CPXM2: variants seen among roughly 807,000 people sequenced by gnomAD.
The protein encoded by CPXM2 is carboxypeptidase X, M14 family member 2, also known as inactive carboxypeptidase-like protein X2.
Under a neutral mutation model 86.1 loss-of-function variants are expected in CPXM2, and 66 were observed. The observed-to-expected ratio is 0.77, with a 90% CI of 0.63 to 0.94. The LOEUF (loss-of-function observed/expected upper bound fraction) is 0.94. Among genes scored for constraint, CPXM2 ranks in the 40% least tolerant of loss-of-function variants. The pLI is 0.00. For synonymous variants in CPXM2, 388 were observed against 400.2 expected, an observed-to-expected ratio of 0.97 and a Z score of 0.36; for missense variants, 948 against 1,026.3, an observed-to-expected ratio of 0.92 and a Z score of 1.04.
intron 6 of CPXM2, among the ~76,000 whole-genome samples, chr10:123,783,808 T>C (rs1323593313): frequency 1.3e-5 from 2 of 152,214 alleles, no homozygotes; most frequent in African/African-American, 2.4e-5. Context: ...GGCTTTATCC[T>C]TACAGAGGGA....
rs564068150 is a variant in CPXM2 at position 123,797,497 on chromosome 10, G to A, written c.889+479C>T. On this transcript the variant is annotated intron_variant, in intron 6 of 13. Transcript: ENST00000241305. ...GAAATGTTTACTCATTTTCTTTTTG[G>A]TTCACTTATGTTTTCTAAATATTCT... 3.9e-5 allele frequency among the ~76,000 whole-genome samples: 6 copies of A among 152,158 alleles called. No individual in the cohort carries two copies. In the East Asian group the frequency reaches 1.2e-3, roughly 29 times the overall value.
chr10:123,907,451 C>G (rs1030391920), intron 2 of CPXM2, among the ~76,000 whole-genome samples: 5 of 152,194 alleles, frequency 3.3e-5, no homozygotes, highest in Non-Finnish European at 7.4e-5. Flanking sequence ...GGGCGGGGCC[C>G]TCGCAGCGTC....
upstream of CPXM2, among the ~76,000 whole-genome samples, chr10:123,892,573 G>T (rs1448025539): frequency 6.6e-6 from 1 of 152,206 alleles, no homozygotes; most frequent in Non-Finnish European, 1.5e-5. Context: ...ACCAGGGACT[G>T]CATCGTTTCC....
At chr10:123,883,722 C>A (rs958732203) in intron 1 of CPXM2, among the ~76,000 whole-genome samples, 5 of 152,066 alleles carry the variant, frequency 3.3e-5, no homozygotes, top group African/African-American at 1.2e-4. Context: ...AGAGAGCTGC[C>A]CAAGGTCACG....
At chr10:123,770,069 T>C (rs1226347925) in intron 8 of CPXM2, among the ~76,000 whole-genome samples, 1 of 151,990 alleles carries the variant, frequency 6.6e-6, no homozygotes, top group Non-Finnish European at 1.5e-5. Context: ...AGGTCGGGAG[T>C]TCGAGACCAG....
Position 123,767,149 on chromosome 10 carries a change from A to G in CPXM2, c.1303T>C (p.Ser435Pro). 1 of 1,613,970 alleles carries G rather than the reference A, an allele frequency of 6.2e-7. No individual in the cohort carries two copies. The highest frequency in any genetic ancestry group is 2.2e-5 in the East Asian group (1 of 44,872). ...DGYEKAYEGG[S>P]ELGGWSLGRW... ...CCCAGGGACCAGCCTCCCAGCTCCGAGCCCTGGAGACAAGTGAGAGTGTGA... is the reference window on the plus strand; with the variant it reads ...CCCAGGGACCAGCCTCCCAGCTCCGGGCCCTGGAGACAAGTGAGAGTGTGA... Residue 435 changes from serine to proline, a missense_variant, in exon 10 of 14, where the codon TCG (serine) becomes CCG (proline). Coordinates refer to ENST00000241305, the MANE Select transcript of CPXM2 (RefSeq NM_198148.3).
chr10:123,886,396 G>A (rs1945178861), intron 1 of CPXM2, among the ~76,000 whole-genome samples: 1 of 152,120 alleles, frequency 6.6e-6, no homozygotes, highest in South Asian at 2.1e-4. Flanking sequence ...TCACCAACTG[G>A]CTTACGGCAC....
intron 3 of CPXM2, among the ~76,000 whole-genome samples, chr10:123,846,703 A>C (rs1020709625): frequency 6.6e-6 from 1 of 152,230 alleles, no homozygotes; most frequent in Non-Finnish European, 1.5e-5. Context: ...ATGGTGAAGA[A>C]GACCCAAGAC....
Position 123,761,901 on chromosome 10 carries a change from T to G in CPXM2, c.1748A>C (p.Asn583Thr). 1.2e-6 allele frequency: 2 copies of G among 1,613,684 alleles called. No individual in the cohort carries two copies. The highest frequency in any genetic ancestry group is 1.1e-5 in the South Asian group (1 of 91,034). The change falls in exon 11 of 14, where the codon AAT (asparagine) becomes ACT (threonine). Residue 583 changes from asparagine (N) to threonine (T), a missense_variant. By Grantham distance (65) the Asn-to-Thr change is moderately conservative. Transcript: ENST00000241305. ...AGCGACGGTGTGCCAGGAGGCCCCA[T>G]TGACAGTGCCCTCCTCCTTCTGGAA... Reference protein sequence around the residue: ...EDFQKEEGTVNGASWHTVAGS... With the variant: ...EDFQKEEGTVTGASWHTVAGS...
At chr10:123,788,908 GC>G (rs1402022566) in intron 6 of CPXM2, among the ~76,000 whole-genome samples, 4 of 150,426 alleles carry the variant, frequency 2.7e-5, no homozygotes, top group Non-Finnish European at 4.4e-5. Context: ...AGGATCCCTG[GC>G]CCCAAAGTGC....
Position 123,751,911 on chromosome 10 carries a change from CTG to C in CPXM2, c.2017+2750_2017+2751del, listed in dbSNP as rs558090194. 7.1e-6 allele frequency: 7 copies of C among 985,404 alleles called. No individual in the cohort carries two copies. The East Asian group carries it at 6.8e-4, about 96-fold the overall frequency. 61.0% of individuals were successfully genotyped at this position (985,404 alleles called of 1,614,324 possible). ...TGCATTTCCCATTAGCTCATCAAAACTGTCTCATTGATTGCAGGGGCTTGAAA... is the reference window on the plus strand; with the variant it reads ...TGCATTTCCCATTAGCTCATCAAAACTCTCATTGATTGCAGGGGCTTGAAA... On this transcript the variant is annotated intron_variant, in intron 13 of 13. Coordinates refer to ENST00000241305, the MANE Select transcript of CPXM2 (RefSeq NM_198148.3).
intron 2 of CPXM2, among the ~76,000 whole-genome samples, chr10:123,927,935 T>C (rs186297525): frequency 6.6e-5 from 10 of 152,274 alleles, no homozygotes. Flanking sequence ...ACTTCCATTC[T>C]CTTTGCCCAC....
chr10:123,862,776 G>T, intron 2 of CPXM2, 53 bp from the exon 3 acceptor site: 2 of 1,486,804 alleles, frequency 1.3e-6, no homozygotes, highest in South Asian at 1.1e-5. Context: ...AAAGGGATGA[G>T]TTTCTTATTT....
chr10:123,895,221 T>G (rs1167162841), upstream of CPXM2, among the ~76,000 whole-genome samples: 2 of 150,180 alleles, frequency 1.3e-5, no homozygotes, highest in Admixed American at 6.7e-5. Flanking sequence ...TCTCCTGGCT[T>G]CAAGCAGTTC....
intron 2 of CPXM2, among the ~76,000 whole-genome samples, chr10:123,871,186 C>A (rs1021792536): frequency 1.4e-4 from 22 of 152,312 alleles, no homozygotes; most frequent in Admixed American, 3.3e-4. Context: ...ACCCTCCCAG[C>A]CTACCCACTC....
At chr10:123,789,332 C>G (rs1847149319) in intron 6 of CPXM2, among the ~76,000 whole-genome samples, 1 of 152,214 alleles carries the variant, frequency 6.6e-6, no homozygotes, top group South Asian at 2.1e-4. Flanking sequence ...TCACTTCCAT[C>G]CCATTTCCTA....
intron 3 of CPXM2, among the ~76,000 whole-genome samples, chr10:123,845,240 A>T (rs1848473874): frequency 6.6e-6 from 1 of 152,114 alleles, no homozygotes; most frequent in Non-Finnish European, 1.5e-5. Flanking sequence ...CTCTGGGGGC[A>T]TCAGCACACT....
At chr10:123,765,029 CATG>C (rs1223137128) in intron 10 of CPXM2, among the ~76,000 whole-genome samples, 2 of 152,004 alleles carry the variant, frequency 1.3e-5, no homozygotes, top group African/African-American at 4.8e-5. Flanking sequence ...TTTCTAAATA[CATG>C]ATGAGGTTTT....
intron 4 of CPXM2, among the ~76,000 whole-genome samples, chr10:123,819,301 C>T (rs1333484113): frequency 2.0e-5 from 3 of 152,150 alleles, no homozygotes; most frequent in African/African-American, 7.2e-5. Flanking sequence ...CAGCCCAATC[C>T]AGGCAGGACT....
Sources: allele counts gnomAD v4.1 joint callset (sites outside exome capture counted in the v4.1 genomes callset), GRCh38; gene constraint gnomAD v4.1.1; transcripts MANE v1.5; gene names NCBI Gene and HGNC (gene_info 2026-07-23, HGNC 2026-07-21).